The following RHOH variants were observed in gnomAD, a reference collection of about 807,000 sequenced individuals.
RHOH encodes the protein ras homolog family member H, also known as rho-related GTP-binding protein RhoH.
In RHOH, 6 loss-of-function variants were observed where a neutral mutation model predicts 13.8. The observed-to-expected ratio is 0.44, with a 90% confidence interval of 0.24 to 0.86. The LOEUF is 0.86. Ranked by LOEUF, RHOH falls within the 40% of genes least tolerant of loss-of-function variation. The pLI, the probability that RHOH is intolerant of heterozygous loss-of-function variation, is 0.24. For missense variants in RHOH, 147 were observed against 244.5 expected (o/e 0.60, Z 2.66); for synonymous variants, 117 against 103.0 (o/e 1.14, Z -0.82).
upstream of RHOH, among the ~76,000 whole-genome samples, chr4:40,192,187 G>A (rs769728361): frequency 2.0e-5 from 3 of 152,190 alleles, no homozygotes; most frequent in Admixed American, 2.0e-4. Flanking sequence ...CCAGTGGGGA[G>A]CTGGGTGAGA....
At chr4:40,210,549 C>T (rs545807504) in intron 1 of RHOH, among the ~76,000 whole-genome samples, 4 of 151,886 alleles carry the variant, frequency 2.6e-5, no homozygotes, top group Non-Finnish European at 5.9e-5. Flanking sequence ...ATTGGTAGAA[C>T]TAGGTTACAC....
intron 1 of RHOH, among the ~76,000 whole-genome samples, chr4:40,197,709 A>C (rs1723378329): frequency 6.6e-6 from 1 of 152,238 alleles, no homozygotes; most frequent in Admixed American, 6.5e-5. Context: ...ACAGAACCGA[A>C]GTCTAAATGA....
chr4:40,242,945 TTGTGTGTGTGTGTGTG>T (rs58807335), intron 2 of RHOH, 111 bp downstream of exon 2: 2,297 of 143,662 alleles, frequency 0.016, 53 homozygotes, highest in African/African-American at 0.044. Context: ...CGGGAGGCAT[TTGTGTGTGTGTGTGTG>T]TGTGTGTGTG....
chr4:40,231,342 A>G (rs1044379230), intron 1 of RHOH, among the ~76,000 whole-genome samples: 2 of 105,600 alleles, frequency 1.9e-5, no homozygotes, highest in Admixed American at 2.5e-4. Flanking sequence ...TTTTTTTGCT[A>G]TACATAACAT....
At position 40,246,860 on chromosome 4, in the gene RHOH, AC is replaced by A. The variant is rs1729796188; in HGVS notation, c.*2899del. 1 of 152,214 alleles carries A rather than the reference AC, an allele frequency of 6.6e-6. No individual in the cohort carries two copies. The highest frequency in any genetic ancestry group is 1.5e-5 in the Non-Finnish European group (1 of 68,042). 9.4% of individuals were successfully genotyped at this position (152,214 alleles called of 1,614,324 possible). A position where few individuals can be genotyped will look rare whatever the true frequency, so the allele number is the denominator to read the frequency against. ...CTAGATGCAGACACAGGTTTCTTAT[AC>A]TTCAAAATTTGTGGTACCTTTTTGT... On this transcript the variant is annotated 3_prime_UTR_variant, in exon 3 of 3. Transcript: ENST00000381799.
At chr4:40,195,408 T>TCCTTCCTTC (rs1723037668), upstream of RHOH, among the ~76,000 whole-genome samples, 1 of 137,592 alleles carries the variant, frequency 7.3e-6, no homozygotes, top group African/African-American at 2.7e-5. Flanking sequence ...CTTCCTTCCT[T>TCCTTCCTTC]CCTTCCTTCC....
At chr4:40,198,532 G>A (rs549074445) in intron 1 of RHOH, among the ~76,000 whole-genome samples, 2 of 152,362 alleles carry the variant, frequency 1.3e-5, no homozygotes, top group South Asian at 4.1e-4. Context: ...CCATGTGAGA[G>A]GGAGCTTGTC....
chr4:40,236,351 CAATT>C (rs1227368998), intron 1 of RHOH, among the ~76,000 whole-genome samples: 8 of 152,288 alleles, frequency 5.3e-5, no homozygotes, highest in Admixed American at 2.0e-4. Context: ...ATGAATAAAA[CAATT>C]AATAAATAAT....
intron 1 of RHOH, among the ~76,000 whole-genome samples, chr4:40,233,667 T>C (rs1008104721): frequency 6.6e-6 from 1 of 152,230 alleles, no homozygotes; most frequent in Non-Finnish European, 1.5e-5. Flanking sequence ...AACATGTCAA[T>C]GAATGGGCAT....
In RHOH at chr4:40,210,741, G is replaced by C. The variant is rs74288483; in HGVS notation, c.-331+13441G>C. Among the ~76,000 whole-genome samples, 114 of 152,284 alleles carry C rather than the reference G, an allele frequency of 7.5e-4. 2 individuals are homozygous for C. The East Asian group carries it at 0.02, about 27-fold the overall frequency. On this transcript the variant is annotated intron_variant, in intron 1 of 2. Coordinates refer to ENST00000381799, the MANE Select transcript of RHOH (RefSeq NM_004310.5). Reference sequence around the variant, plus strand: ...TGTTGATATCATCCCTTAAGGGAAGGATATTGCTTTTGTGGGAGGGAAAAG... The same window carrying C: ...TGTTGATATCATCCCTTAAGGGAAGCATATTGCTTTTGTGGGAGGGAAAAG...
intron 1 of RHOH, among the ~76,000 whole-genome samples, chr4:40,227,282 T>C (rs574570991): frequency 3.3e-5 from 5 of 152,342 alleles, no homozygotes; most frequent in Admixed American, 2.6e-4. Flanking sequence ...GTTGCTACTG[T>C]GTGAATAATT....
At chr4:40,221,994 CA>C (rs2109457901) in intron 1 of RHOH, among the ~76,000 whole-genome samples, 1 of 152,258 alleles carries the variant, frequency 6.6e-6, no homozygotes, top group South Asian at 2.1e-4. Context: ...GGTAGAAGAT[CA>C]AACCAGCTAT....
intron 1 of RHOH, among the ~76,000 whole-genome samples, chr4:40,219,639 A>G (rs1726312369): frequency 6.6e-6 from 1 of 152,144 alleles, no homozygotes; most frequent in Non-Finnish European, 1.5e-5. Context: ...AAAAAATGTA[A>G]AAACATTTAA....
At chr4:40,202,637 C>A (rs1724154391) in intron 1 of RHOH, among the ~76,000 whole-genome samples, 1 of 152,096 alleles carries the variant, frequency 6.6e-6, no homozygotes, top group Non-Finnish European at 1.5e-5. Context: ...GAGTTTGGAG[C>A]TAGGCAGTGT....
At chr4:40,206,642 A>G (rs899032945) in intron 1 of RHOH, among the ~76,000 whole-genome samples, 2 of 152,172 alleles carry the variant, frequency 1.3e-5, no homozygotes, top group Non-Finnish European at 2.9e-5. Flanking sequence ...ATAAGGAAGT[A>G]GGAGAGAGGG....
chr4:40,238,142 T>C (rs187204056), intron 1 of RHOH, among the ~76,000 whole-genome samples: 2 of 151,624 alleles, frequency 1.3e-5, no homozygotes, highest in Admixed American at 1.3e-4. Context: ...CCATGTCAAA[T>C]GTACATAGAG....
At chr4:40,199,977 G>A (rs930012080) in intron 1 of RHOH, among the ~76,000 whole-genome samples, 8 of 152,196 alleles carry the variant, frequency 5.3e-5, no homozygotes, top group African/African-American at 1.2e-4. Flanking sequence ...TGAGTCACAC[G>A]GTGATAGTGT....
intron 1 of RHOH, among the ~76,000 whole-genome samples, chr4:40,230,067 C>T (rs554735846): frequency 4.0e-5 from 6 of 151,352 alleles, no homozygotes; most frequent in Admixed American, 3.3e-4. Context: ...TTTTTTGAGA[C>T]GGAGTCTCAC....
intron 1 of RHOH, among the ~76,000 whole-genome samples, chr4:40,233,883 G>A (rs1300761403): frequency 6.6e-6 from 1 of 151,638 alleles, no homozygotes. Context: ...CCGGGATCAT[G>A]CCACTGCAGT....
Sources: allele counts gnomAD v4.1 joint callset (sites outside exome capture counted in the v4.1 genomes callset), GRCh38; gene constraint gnomAD v4.1.1; transcripts MANE v1.5; gene names NCBI Gene and HGNC (gene_info 2026-07-23, HGNC 2026-07-21).